The following DAB1 variants were observed in gnomAD, a reference collection of about 807,000 sequenced individuals.
DAB1 encodes DAB adaptor protein 1, also known as disabled homolog 1.
DAB1 carries 15 observed loss-of-function variants against 64.6 expected under a neutral mutation model. The observed-to-expected ratio is 0.23, with a 90% CI of 0.16 to 0.36. The LOEUF (loss-of-function observed/expected upper bound fraction) is 0.36. DAB1 is among the 10% of genes least tolerant of loss of function. DAB1 has a pLI of 1.00. For synonymous variants in DAB1, 235 were observed against 251.9 expected (o/e 0.93, Z 0.64); for missense variants, 596 against 706.7 (o/e 0.84, Z 1.78).
At chr1:57,339,865 G>A (rs1677427512) in intron 1 of DAB1, among the ~76,000 whole-genome samples, 1 of 152,172 alleles carries the variant, frequency 6.6e-6, no homozygotes. Flanking sequence ...AGGTTCTAAT[G>A]TTTCAGCAAT....
At chr1:57,240,445 A>G (rs781686209) in intron 2 of DAB1, among the ~76,000 whole-genome samples, 5 of 152,242 alleles carry the variant, frequency 3.3e-5, no homozygotes, top group Non-Finnish European at 7.3e-5. Context: ...TGAAATATTA[A>G]GAAATTTCCA....
chr1:58,523,055 T>C (rs1646292124), intron 2 of DAB1, among the ~76,000 whole-genome samples: 1 of 152,202 alleles, frequency 6.6e-6, no homozygotes, highest in Non-Finnish European at 1.5e-5. Context: ...TTCTGCTAGA[T>C]TGTCTAATGT....
intron 6 of DAB1, among the ~76,000 whole-genome samples, chr1:57,809,927 C>T (rs1651538557): frequency 6.6e-6 from 1 of 152,020 alleles, no homozygotes; most frequent in Admixed American, 6.6e-5. Context: ...CCCATCTGAC[C>T]CTGAAGGTCC....
At chr1:57,011,384 T>TGGAAATAGGAAGAGGAA in intron 12 of DAB1, 112 bp from the exon 13 acceptor site, 1 of 1,252,274 alleles carries the variant, frequency 8.0e-7, no homozygotes, top group Non-Finnish European at 1.1e-6. Flanking sequence ...AGGATTCCTC[T>TGGAAATAGGAAGAGGAA]TCCTATTTCC....
intron 5 of DAB1, among the ~76,000 whole-genome samples, chr1:58,013,679 A>C (rs1408371196): frequency 1.3e-5 from 2 of 152,074 alleles, no homozygotes; most frequent in African/African-American, 4.8e-5. Context: ...CATTGCATCC[A>C]TTTTACTTGA....
chr1:57,262,778 T>C (rs991150782), intron 2 of DAB1, among the ~76,000 whole-genome samples: 1 of 152,182 alleles, frequency 6.6e-6, no homozygotes. Context: ...GAGCACAGCA[T>C]CCTGCTCCCA....
At position 58,451,184 on chromosome 1, in the gene DAB1, G is replaced by C. The variant is rs967966951; in HGVS notation, n.257+54876C>G. On this transcript the variant is annotated intron_variant and non_coding_transcript_variant, in intron 3 of 20. Transcript: ENST00000485760. ...GACTCACTGCAGCCTCAGCCTCCTA[G>C]ACTCAAGCAATCCTCCCGCCTTAGC... Among the ~76,000 whole-genome samples the C allele has an allele frequency of 3.3e-5, 5 of 152,180 alleles. No homozygotes were observed. The East Asian group carries it at 9.6e-4, about 29-fold the overall frequency.
intron 2 of DAB1, among the ~76,000 whole-genome samples, chr1:57,183,677 A>G (rs1432451057): frequency 6.6e-6 from 1 of 152,192 alleles, no homozygotes; most frequent in Non-Finnish European, 1.5e-5. Flanking sequence ...ACATTAGCTC[A>G]TCTGGAACAA....
At chr1:57,826,394 T>C (rs1247780593) in exon 2 of DAB1, 1 of 152,126 alleles carries the variant, frequency 6.6e-6, no homozygotes, top group African/African-American at 2.4e-5. Flanking sequence ...AAGAGGAGCA[T>C]CTCATCCAAG....
chr1:57,902,917 G>C (rs918201276), intron 5 of DAB1, among the ~76,000 whole-genome samples: 4 of 152,178 alleles, frequency 2.6e-5, no homozygotes, highest in African/African-American at 9.7e-5. Context: ...CCGAGACTGG[G>C]TCATTTATAA....
At chr1:58,333,313 A>G (rs35460300) in intron 4 of DAB1, among the ~76,000 whole-genome samples, 16,162 of 152,176 alleles carry the variant, frequency 0.11, 1,077 homozygotes, top group Non-Finnish European at 0.15. Context: ...CCTGTAGACC[A>G]TATAGGGGCA....
intron 5 of DAB1, among the ~76,000 whole-genome samples, chr1:57,893,900 T>C (rs1283682211): frequency 6.6e-6 from 1 of 152,194 alleles, no homozygotes; most frequent in Admixed American, 6.5e-5. Flanking sequence ...GGCTCACACC[T>C]GAGCACTAAG....
chr1:57,391,245 A>G (rs17425017), intron 1 of DAB1, among the ~76,000 whole-genome samples: 33,279 of 152,200 alleles, frequency 0.22, 4,594 homozygotes, highest in Non-Finnish European at 0.32. Flanking sequence ...CAGGCTAAGA[A>G]GCAAGAAGAA....
chr1:57,823,263 G>A (rs556722949), downstream of DAB1, among the ~76,000 whole-genome samples: 91 of 152,076 alleles, frequency 6.0e-4, no homozygotes, highest in African/African-American at 2.1e-3. Flanking sequence ...GATTACAGGC[G>A]TGAGCCACTG....
intron 4 of DAB1, among the ~76,000 whole-genome samples, chr1:58,204,695 C>T (rs1167031131): frequency 6.6e-6 from 1 of 152,212 alleles, no homozygotes; most frequent in Non-Finnish European, 1.5e-5. Context: ...TTGAAGGCTG[C>T]TCCTGGGGGA....
chr1:57,907,876 T>C (rs551936316), intron 5 of DAB1, among the ~76,000 whole-genome samples: 2 of 144,976 alleles, frequency 1.4e-5, no homozygotes, highest in East Asian at 2.0e-4. Context: ...TATATATATA[T>C]ACACATACAC....
rs146155448 is a variant in DAB1, at chr1:57,801,440, A to G, written n.551+82559T>C. Reference sequence around the variant, plus strand: ...CTCATGCTTTCCCCTTCACAAAGGAATCTTATGGAATACCATTCAGTGGCA... The same window carrying G: ...CTCATGCTTTCCCCTTCACAAAGGAGTCTTATGGAATACCATTCAGTGGCA... On this transcript the variant is annotated intron_variant and non_coding_transcript_variant, in intron 6 of 20. Transcript: ENST00000485760. Among the ~76,000 whole-genome samples the G allele has an allele frequency of 3.8e-3, 579 of 152,338 alleles. 4 individuals carry two copies. The highest frequency in any genetic ancestry group is 6.1e-3 in the Non-Finnish European group (418 of 68,022).
At chr1:58,288,087 T>C in intron 4 of DAB1, among the ~76,000 whole-genome samples, 1 of 147,932 alleles carries the variant, frequency 6.8e-6, no homozygotes, top group East Asian at 2.0e-4. Flanking sequence ...ATGTTTAACA[T>C]GCAACTTAAA....
intron 7 of DAB1, among the ~76,000 whole-genome samples, chr1:57,453,629 A>C (rs1478636797): frequency 6.6e-6 from 1 of 152,194 alleles, no homozygotes; most frequent in Non-Finnish European, 1.5e-5. Context: ...AATATAACAA[A>C]AAAATAGGAT....
Sources: gnomAD v4.1 joint callset for allele counts (sites outside exome capture counted in the v4.1 genomes callset) on GRCh38, gnomAD v4.1.1 for gene constraint, MANE v1.5 for transcripts, NCBI Gene and HGNC (gene_info 2026-07-23, HGNC 2026-07-21) for gene names.